Variants in ATM observed in about 807,000 individuals in gnomAD.
ATM encodes the protein serine-protein kinase ATM.
A neutral mutation model predicts 387.0 loss-of-function variants in ATM; 308 were observed. The observed-to-expected ratio is 0.80, with a 90% CI of 0.73 to 0.87. The LOEUF is 0.87. ATM is among the 40% of genes least tolerant of loss of function. The pLI is 0.00. For missense variants in ATM, 3,312 were observed against 3,560.9 expected (o/e 0.93, Z 1.78); for synonymous variants, 1,156 against 1,187.3 (o/e 0.97, Z 0.54).
chr11:108,324,453 A>G (rs1406528273), intron 45 of ATM, among the ~76,000 whole-genome samples: 1 of 152,146 alleles, frequency 6.6e-6, no homozygotes, highest in African/African-American at 2.4e-5. Flanking sequence ...ATCATATCTA[A>G]TATCAGTAGA....
rs769871715 is a variant in ATM at position 108,287,638 on chromosome 11, G to C, written c.4032G>C (p.Val1344=). 5 of 1,613,368 alleles carry C rather than the reference G, an allele frequency of 3.1e-6. No individual in the cohort carries two copies. Among genetic ancestry groups the C allele is most frequent in the Non-Finnish European group, 3.4e-6 (4 of 1,179,732 alleles). ...HLFISNLPEI[V]VELLMTLHEP... ...TCATTAGTAATTTACCAGAGATTGT[G>C]GTGGAGTTATTGATGACGTTACATG... The change falls in exon 27 of 63, where the codon GTG becomes GTC. Residue 1344 remains valine, a synonymous_variant. Transcript: ENST00000675843.
chr11:108,355,046 C>G (rs1195124811), intron 61 of ATM, 172 bp downstream of exon 61: 2 of 626,182 alleles, frequency 3.2e-6, no homozygotes, highest in African/African-American at 3.7e-5. Context: ...TCCAAAAATA[C>G]TGGTTTAGAA....
chr11:108,288,016 T>C (rs1162405043), intron 27 of ATM, among the ~76,000 whole-genome samples: 1 of 152,132 alleles, frequency 6.6e-6, no homozygotes, highest in Non-Finnish European at 1.5e-5. Context: ...TTTTTCTTCA[T>C]ACACATTATT....
chr11:108,345,182 G>A (rs1388831752), intron 57 of ATM, among the ~76,000 whole-genome samples: 2 of 152,134 alleles, frequency 1.3e-5, no homozygotes, highest in African/African-American at 4.8e-5. Flanking sequence ...TGCTGAATGG[G>A]CAGCTTGAGA....
chr11:108,332,907 T>C lies in ATM; in HGVS notation c.7927+7T>C. The C allele has an allele frequency of 6.2e-7, 1 of 1,610,882 alleles. No homozygotes were observed. Among genetic ancestry groups the C allele is most frequent in the Non-Finnish European group, 8.5e-7 (1 of 1,179,118 alleles). ...CAGTGGAAGACTCAGAGAAGTATGT[T>C]TTTTTTAAAGAAGAAACGTTACTTT... On this transcript the variant is annotated splice_region_variant and intron_variant, in intron 53 of 62. Transcript: ENST00000675843.
chr11:108,294,399 C>T (rs1042148966), intron 31 of ATM, among the ~76,000 whole-genome samples: 1 of 152,078 alleles, frequency 6.6e-6, no homozygotes, highest in East Asian at 1.9e-4. Context: ...GTTGAGTATG[C>T]TATAACAATC....
chr11:108,266,208 AC>A (rs1332271552), intron 16 of ATM, among the ~76,000 whole-genome samples: 6 of 150,174 alleles, frequency 4.0e-5, no homozygotes, highest in Admixed American at 6.7e-5. Flanking sequence ...GGCATTATTC[AC>A]AATAGCAAAG....
chr11:108,333,770 G>A, intron 53 of ATM, 116 bp from the exon 54 acceptor site: 2 of 859,780 alleles, frequency 2.3e-6, no homozygotes, highest in East Asian at 2.4e-5. Flanking sequence ...CTCAATCAGA[G>A]CCTGAACCAC....
chr11:108,354,910 C>A (rs1251233689), intron 61 of ATM, 36 bp downstream of exon 61: 1 of 1,545,168 alleles, frequency 6.5e-7, no homozygotes, highest in South Asian at 1.1e-5. Flanking sequence ...TATTTTTTTT[C>A]TTACCAGGTA....
intron 4 of ATM, among the ~76,000 whole-genome samples, chr11:108,235,405 G>A (rs2079216257): frequency 6.6e-6 from 1 of 151,916 alleles, no homozygotes; most frequent in African/African-American, 2.4e-5. Context: ...GACTTTATAG[G>A]CCATGTGGTC....
intron 56 of ATM, among the ~76,000 whole-genome samples, chr11:108,338,560 C>T (rs760781938): frequency 2.1e-4 from 32 of 151,826 alleles, no homozygotes; most frequent in Non-Finnish European, 2.6e-4. Context: ...GAAGCTAAAG[C>T]GTGAGGATTG....
At chr11:108,288,395 G>A (rs1030190548) in intron 27 of ATM, among the ~76,000 whole-genome samples, 3 of 151,394 alleles carry the variant, frequency 2.0e-5, no homozygotes, top group Non-Finnish European at 2.9e-5. Context: ...TTTATTGTGC[G>A]TTATTATCTG....
intron 5 of ATM, among the ~76,000 whole-genome samples, chr11:108,237,707 G>A (rs1384248707): frequency 6.6e-6 from 1 of 152,066 alleles, no homozygotes; most frequent in Admixed American, 6.6e-5. Flanking sequence ...TGTGAGATGA[G>A]AAGAATGGCC....
chr11:108,228,867 G>A (rs2078867600), intron 3 of ATM, among the ~76,000 whole-genome samples: 1 of 152,170 alleles, frequency 6.6e-6, no homozygotes, highest in Non-Finnish European at 1.5e-5. Flanking sequence ...AATAACAGAA[G>A]GAGTTGAGAG....
rs541126170 is a variant in ATM, at chr11:108,269,283, T to A, written c.2838+674T>A. Among the ~76,000 whole-genome samples the A allele has an allele frequency of 2.6e-5, 4 of 152,314 alleles. No individual in the cohort carries two copies. In the East Asian group the frequency reaches 7.7e-4, roughly 29 times the overall value. Reference sequence around the variant, plus strand: ...ATCTGGAACAGTTCTTTTTTTTATTTATCATGACCTTCATATATTTGAATA... The same window carrying A: ...ATCTGGAACAGTTCTTTTTTTTATTAATCATGACCTTCATATATTTGAATA... On this transcript the variant is annotated intron_variant, in intron 18 of 62. Coordinates refer to ENST00000675843, the MANE Select transcript of ATM (RefSeq NM_000051.4).
chr11:108,321,175 G>A, intron 44 of ATM, 126 bp from the exon 45 acceptor site: 1 of 1,255,170 alleles, frequency 8.0e-7, no homozygotes, highest in South Asian at 1.3e-5. Context: ...ATTCACTGTT[G>A]CTTGTTAGTA....
intron 38 of ATM, 46 bp from the exon 39 acceptor site, chr11:108,310,114 T>C (rs776492831): frequency 8.2e-6 from 13 of 1,578,380 alleles, no homozygotes; most frequent in Admixed American, 1.7e-5. Flanking sequence ...TATTTTGATA[T>C]TGAAGTTTAA....
chr11:108,300,389 A>G (rs2083363077), intron 34 of ATM, among the ~76,000 whole-genome samples: 1 of 152,138 alleles, frequency 6.6e-6, no homozygotes, highest in South Asian at 2.1e-4. Context: ...CAAAATTTCA[A>G]CTGGTTGGTT....
rs587781861 is a variant in ATM at position 108,321,419 on chromosome 11, A to G, written c.6571A>G (p.Arg2191Gly). Residue 2191 changes from arginine to glycine, a missense_variant and splice_region_variant, in exon 45 of 63, where the codon AGA (arginine) becomes GGA (glycine). Transcript: ENST00000675843. ...GGAAAGCATTGGGGAGCTTTTCTCA[A>G]GGTATGTAATTCGTATGACTTTGTT... The part of the protein sequence containing the change: ...ELESIGELFS[R>G]SVTHRQLSEV... The G allele has an allele frequency of 1.2e-6, 2 of 1,614,102 alleles. No homozygotes were observed. The highest frequency in any genetic ancestry group is 1.7e-6 in the Non-Finnish European group (2 of 1,179,982).
Sources: allele counts gnomAD v4.1 joint callset (sites outside exome capture counted in the v4.1 genomes callset), GRCh38; gene constraint gnomAD v4.1.1; transcripts MANE v1.5; gene names NCBI Gene and HGNC (gene_info 2026-07-23, HGNC 2026-07-21).